Variants in SUGT1 observed in about 807,000 individuals in gnomAD.
SUGT1 encodes SGT1 assembly cochaperone of MIS12 kinetochore complex.
A neutral mutation model predicts 56.1 loss-of-function variants in SUGT1; 15 were observed. The observed-to-expected ratio is 0.27, with a 90% confidence interval of 0.18 to 0.41. SUGT1 has a LOEUF of 0.41. Ranked by LOEUF, SUGT1 falls within the 10% of genes least tolerant of loss-of-function variation. SUGT1 has a pLI of 1.00. For missense variants in SUGT1, 347 were observed against 382.2 expected (o/e 0.91, Z 0.77); for synonymous variants, 123 against 128.6 (o/e 0.96, Z 0.30).
rs1412695870 is a variant in SUGT1 at position 52,699,209 on chromosome 13, CATTATG to C, written c.*11379_*11384del. The C allele has an allele frequency of 1.3e-5, 2 of 151,886 alleles. No homozygotes were observed. Among genetic ancestry groups the C allele is most frequent in the East Asian group, 3.9e-4 (2 of 5,180 alleles). 9.4% of individuals were successfully genotyped at this position (151,886 alleles called of 1,614,324 possible). On this transcript the variant is annotated 3_prime_UTR_variant, in exon 13 of 13. Coordinates refer to ENST00000310528, the MANE Select transcript of SUGT1 (RefSeq NM_006704.5). Reference sequence around the variant, plus strand: ...TTTTTTCTTCTTAATCTTGGGGGGTCATTATGATTAAGTTATTGAATCCATATCACC... The same window carrying C: ...TTTTTTCTTCTTAATCTTGGGGGGTCATTAAGTTATTGAATCCATATCACC...
In SUGT1 at chr13:52,666,919, G is replaced by C; in HGVS notation, c.627G>C (p.Lys209Asn). The change falls in exon 10 of 13, where the codon AAG (lysine) becomes AAC (asparagine). Residue 209 changes from lysine (K) to asparagine (N), a missense_variant and splice_region_variant. By Grantham distance (94) the Lys-to-Asn change is moderately conservative (BLOSUM62 0). Transcript: ENST00000310528. ...EQSTFKVLST[K>N]IEIKLKKPEA... ...GCACGTTTAAAGTACTTTCAACAAA[G>C]GTAAGACCATTGAAAAGTTTGTTAC... is the stretch of plus-strand genomic sequence containing the variant. 2.5e-6 allele frequency: 4 copies of C among 1,594,730 alleles called. No individual in the cohort carries two copies. The highest frequency in any genetic ancestry group is 3.4e-6 in the Non-Finnish European group (4 of 1,170,932).
At chr13:52,662,539 ACTCCC>A in intron 5 of SUGT1, 105 bp from the exon 6 acceptor site, 1 of 1,021,114 alleles carries the variant, frequency 9.8e-7, no homozygotes, top group South Asian at 1.7e-5. Flanking sequence ...TTCGCTGCCG[ACTCCC>A]CAGTGCCTAG....
In SUGT1 at chr13:52,653,472, ATTC is replaced by A. The variant is rs1162210490; in HGVS notation, c.96+372_96+374del. Among the ~76,000 whole-genome samples the A allele has an allele frequency of 2.6e-5, 4 of 152,274 alleles. 1 individual carries two copies. In the East Asian group the frequency reaches 7.7e-4, roughly 29 times the overall value. ...TTTTCGTTTGACAATAATTCTTGCC[ATTC>A]TTACGTAAAAGTGTCGGTATGAAGT... On this transcript the variant is annotated intron_variant, in intron 2 of 12. Coordinates refer to ENST00000310528, the MANE Select transcript of SUGT1 (RefSeq NM_006704.5).
At position 52,690,074 on chromosome 13, in the gene SUGT1, G is replaced by A. The variant is rs1963733256; in HGVS notation, c.*2239G>A. On this transcript the variant is annotated 3_prime_UTR_variant, in exon 13 of 13. Transcript: ENST00000310528. ...TTGGCTAGATTTGCTAAGTGTTGTG[G>A]GATTTGGGATTTTGCTGGTCTGAAG... is the stretch of plus-strand genomic sequence containing the variant. 1 of 152,110 alleles carries A rather than the reference G, an allele frequency of 6.6e-6. No homozygotes were observed. Among genetic ancestry groups the A allele is most frequent in the African/African-American group, 2.4e-5 (1 of 41,412 alleles). 9.4% of individuals were successfully genotyped at this position (152,110 alleles called of 1,614,324 possible). A position where few individuals can be genotyped will look rare whatever the true frequency, so the allele number is the denominator to read the frequency against.
intron 10 of SUGT1, among the ~76,000 whole-genome samples, chr13:52,674,670 T>A (rs1963073748): frequency 6.6e-6 from 1 of 152,192 alleles, no homozygotes; most frequent in Admixed American, 6.5e-5. Context: ...TGCCTTTTGA[T>A]TTTTTAATCC....
Position 52,653,079 on chromosome 13 carries a change from C to T in SUGT1, c.72C>T (p.Asp24=), listed in dbSNP as rs779807378. Residue 24 remains aspartate, a synonymous_variant, in exon 2 of 13, where the codon GAC becomes GAT. Transcript: ENST00000310528. The part of the protein sequence containing the change: ...FFQSFSDALI[D]EDPQAALEEL... ...AGAGCTTCTCGGATGCCCTAATCGA[C>T]GAGGACCCCCAGGCGGCGTTAGAGG... is the stretch of plus-strand genomic sequence containing the variant. The T allele has an allele frequency of 5.0e-6, 8 of 1,614,028 alleles. No individual in the cohort carries two copies. The African/African-American group carries it at 1.1e-4, about 22-fold the overall frequency.
intron 12 of SUGT1, among the ~76,000 whole-genome samples, chr13:52,685,886 T>C (rs79568820): frequency 0.013 from 1,937 of 152,256 alleles, 44 homozygotes; most frequent in African/African-American, 0.043. Context: ...ATGGTCAGAT[T>C]GTAAACCAAA....
At chr13:52,662,160 A>G (rs1962487295) in intron 5 of SUGT1, among the ~76,000 whole-genome samples, 3 of 152,210 alleles carry the variant, frequency 2.0e-5, no homozygotes, top group South Asian at 4.1e-4. Flanking sequence ...TAGGAAAGGC[A>G]TGGTAACAGA....
intron 3 of SUGT1, 49 bp downstream of exon 3, chr13:52,657,671 A>G (rs1484050576): frequency 6.6e-7 from 1 of 1,518,876 alleles, no homozygotes; most frequent in Non-Finnish European, 9.0e-7. Context: ...AGTTACTTAT[A>G]CATTTTACCC....
intron 6 of SUGT1, 54 bp from the exon 7 acceptor site, chr13:52,663,042 T>C: frequency 6.3e-7 from 1 of 1,582,092 alleles, no homozygotes; most frequent in East Asian, 2.2e-5. Flanking sequence ...TACAAATAAC[T>C]TTGCTTAAAA....
At chr13:52,659,280 T>C in intron 5 of SUGT1, 31 bp downstream of exon 5, 1 of 1,325,130 alleles carries the variant, frequency 7.5e-7, no homozygotes, top group East Asian at 2.9e-5. Context: ...TTTAATAAAC[T>C]TATCTATTTC....
At chr13:52,683,713 T>G (rs1355801114) in intron 12 of SUGT1, among the ~76,000 whole-genome samples, 2 of 152,200 alleles carry the variant, frequency 1.3e-5, no homozygotes, top group South Asian at 2.1e-4. Flanking sequence ...GGTCTGGGCC[T>G]GGAGATTTCT....
rs745495563 is a variant in SUGT1 at position 52,658,400 on chromosome 13, T to A, written c.189T>A (p.Val63=). The A allele has an allele frequency of 1.2e-6, 2 of 1,612,694 alleles. No homozygotes were observed. Among genetic ancestry groups the A allele is most frequent in the East Asian group, 4.5e-5 (2 of 44,778 alleles). The change falls in exon 4 of 13, where the codon GTT becomes GTA. Residue 63 remains valine (V), a splice_region_variant and synonymous_variant. Coordinates refer to ENST00000310528, the MANE Select transcript of SUGT1 (RefSeq NM_006704.5). ...YCHILLGNYC[V]AVADAKKSLE... ...AAAAACCCGTCTTTTTCTACACAGT[T>A]GCTGTTGCTGATGCAAAGAAGTCTC...
rs1360369991 is a variant in SUGT1 at position 52,694,715 on chromosome 13, A to T, written c.*6880A>T. 6.6e-6 allele frequency: 1 copy of T among 152,294 alleles called. No homozygotes were observed. The highest frequency in any genetic ancestry group is 1.5e-5 in the Non-Finnish European group (1 of 68,104). 9.4% of individuals were successfully genotyped at this position (152,294 alleles called of 1,614,324 possible). ...GTTTTTGTTTTTGTTTTTGAGACGG[A>T]GTCTTGCTCTGTCGCCCAGGCTGGA... On this transcript the variant is annotated 3_prime_UTR_variant, in exon 13 of 13. Coordinates refer to ENST00000310528, the MANE Select transcript of SUGT1 (RefSeq NM_006704.5).
intron 12 of SUGT1, among the ~76,000 whole-genome samples, chr13:52,685,256 C>CTTCT (rs1566199327): frequency 2.3e-5 from 2 of 87,734 alleles, no homozygotes; most frequent in Non-Finnish European, 4.5e-5. Context: ...TCTTCTTCTT[C>CTTCT]TTTTTTTTTT....
Position 52,680,105 on chromosome 13 carries a change from A to C in SUGT1, c.850A>C (p.Ile284Leu). 1 of 1,596,682 alleles carries C rather than the reference A, an allele frequency of 6.3e-7. No homozygotes were observed. The highest frequency in any genetic ancestry group is 8.5e-7 in the Non-Finnish European group (1 of 1,175,498). The change falls in exon 12 of 13, where the codon ATC becomes CTC. Residue 284 changes from isoleucine (I) to leucine (L), a missense_variant. By Grantham distance (5) the Ile-to-Leu change is conservative (BLOSUM62 2). Coordinates refer to ENST00000310528, the MANE Select transcript of SUGT1 (RefSeq NM_006704.5). ...AGCTTTAAACAGATTATTTCAGCAGATCTATTCAGATGGTTCTGATGAAGT... is the reference window on the plus strand; with the variant it reads ...AGCTTTAAACAGATTATTTCAGCAGCTCTATTCAGATGGTTCTGATGAAGT... ...DAALNRLFQQ[I>L]YSDGSDEVKR...
In SUGT1 at chr13:52,700,551, A is replaced by AT. The variant is rs1254099843; in HGVS notation, c.*12719dup. The AT allele has an allele frequency of 6.6e-5, 10 of 152,166 alleles. No homozygotes were observed. Among genetic ancestry groups the AT allele is most frequent in the Admixed American group, 6.5e-4 (10 of 15,278 alleles). 9.4% of individuals were successfully genotyped at this position (152,166 alleles called of 1,614,324 possible). On this transcript the variant is annotated 3_prime_UTR_variant, in exon 13 of 13. Coordinates refer to ENST00000310528, the MANE Select transcript of SUGT1 (RefSeq NM_006704.5). ...ATGCATATAGTATATGAGCATGTGTATTTGTACAAAAGCCCTTCAAAAGGA... is the reference window on the plus strand; with the variant it reads ...ATGCATATAGTATATGAGCATGTGTATTTTGTACAAAAGCCCTTCAAAAGGA...
rs1964043696 is a variant in SUGT1, at chr13:52,700,255, A to G, written c.*12420A>G. The stretch of plus-strand genomic sequence containing the variant: ...GCTATGTATTTGACTTTAAAACTAT[A>G]AAGATGTAAAAAAGGTTCACTAAGC... On this transcript the variant is annotated 3_prime_UTR_variant, in exon 13 of 13. Transcript: ENST00000310528. 1 of 152,200 alleles carries G rather than the reference A, an allele frequency of 6.6e-6. No individual in the cohort carries two copies. Among genetic ancestry groups the G allele is most frequent in the South Asian group, 2.1e-4 (1 of 4,832 alleles). The allele number at this position is 152,200 out of a possible 1,614,324, so 9.4% of individuals were successfully genotyped here.
chr13:52,656,711 C>CACACTACTAGTGTTA (rs1404001152), intron 2 of SUGT1, among the ~76,000 whole-genome samples: 1 of 152,178 alleles, frequency 6.6e-6, no homozygotes, highest in Non-Finnish European at 1.5e-5. Context: ...TTCTGAGAGT[C>CACACTACTAGTGTTA]ACACTACTAG....
Sources: allele counts gnomAD v4.1 joint callset (sites outside exome capture counted in the v4.1 genomes callset), GRCh38; gene constraint gnomAD v4.1.1; transcripts MANE v1.5; gene names NCBI Gene and HGNC (gene_info 2026-07-23, HGNC 2026-07-21).